The following NRXN1 variants were observed in gnomAD, a reference collection of about 807,000 sequenced individuals.
NRXN1 encodes neurexin 1, also known as neurexin-1.
NRXN1 carries 39 observed loss-of-function variants against 150.9 expected under a neutral mutation model. The ratio of observed to expected loss-of-function variants is 0.26; its 90% CI spans 0.20 to 0.34. The LOEUF is 0.34. NRXN1 is among the 10% of genes least tolerant of loss of function. The pLI is 1.00. For missense variants in NRXN1, 1,815 were observed against 1,949.9 expected (o/e 0.93, Z 1.30); for synonymous variants, 924 against 757.0 (o/e 1.22, Z -3.62).
At chr2:49,953,337 T>C (rs1285507179) in intron 21 of NRXN1, among the ~76,000 whole-genome samples, 2 of 152,086 alleles carry the variant, frequency 1.3e-5, no homozygotes, top group African/African-American at 4.8e-5. Flanking sequence ...CCAGTGGTGA[T>C]TGAGAATAAA....
intron 15 of NRXN1, among the ~76,000 whole-genome samples, chr2:50,489,097 T>A (rs1343499358): frequency 1.3e-5 from 2 of 152,162 alleles, no homozygotes; most frequent in East Asian, 3.9e-4. Flanking sequence ...ATGAAAGGCA[T>A]CTGGGCATAG....
At chr2:50,450,017 C>T (rs984000987) in intron 17 of NRXN1, among the ~76,000 whole-genome samples, 2 of 152,176 alleles carry the variant, frequency 1.3e-5, no homozygotes, top group Non-Finnish European at 2.9e-5. Context: ...TATTTGTCTC[C>T]AAAGTCTGTT....
In NRXN1 at chr2:50,543,550, A is replaced by G. The variant is rs539765385; in HGVS notation, c.1760-4914T>C. Among the ~76,000 whole-genome samples, 6 of 152,254 alleles carry G rather than the reference A, an allele frequency of 3.9e-5. No homozygotes were observed. In the South Asian group the frequency reaches 1.0e-3, roughly 26 times the overall value. On this transcript the variant is annotated intron_variant, in intron 9 of 22. Transcript: ENST00000401669. ...TGTAAGAGGTAAAATGAAGGTGATA[A>G]GCAGACAAGGTAATATTTAAGAATA...
At chr2:50,312,584 T>C (rs1008042123) in intron 17 of NRXN1, among the ~76,000 whole-genome samples, 5 of 152,106 alleles carry the variant, frequency 3.3e-5, no homozygotes, top group African/African-American at 1.2e-4. Flanking sequence ...TTAAGTGTAC[T>C]TCCAACCTCT....
intron 15 of NRXN1, among the ~76,000 whole-genome samples, chr2:50,489,367 T>A (rs1408879718): frequency 6.6e-6 from 1 of 152,170 alleles, no homozygotes; most frequent in Non-Finnish European, 1.5e-5. Context: ...ATCTTGGGCC[T>A]GTGACTGAAC....
At chr2:50,991,516 C>T (rs1409359914) in intron 2 of NRXN1, among the ~76,000 whole-genome samples, 2 of 151,976 alleles carry the variant, frequency 1.3e-5, no homozygotes, top group Non-Finnish European at 1.5e-5. Context: ...TGAATAAATG[C>T]TCAACAGTTC....
rs77535570 is a variant in NRXN1 at position 50,173,671 on chromosome 2, T to C, written c.3546+63118A>G. On this transcript the variant is annotated intron_variant, in intron 18 of 22. Transcript: ENST00000401669. ...TATGTTAGCATATCTCCAAGGACTT[T>C]CCTGCTGTGTATTTTATACTGCTAC... Among the ~76,000 whole-genome samples, 1,275 of 152,324 alleles carry C rather than the reference T, an allele frequency of 8.4e-3. 12 individuals carry two copies. The highest frequency in any genetic ancestry group is 0.02 in the Middle Eastern group (6 of 294).
intron 21 of NRXN1, among the ~76,000 whole-genome samples, chr2:49,953,108 TA>T (rs1674274761): frequency 6.6e-6 from 1 of 152,158 alleles, no homozygotes; most frequent in South Asian, 2.1e-4. Context: ...TGTCACCTGA[TA>T]AACTTTAACT....
intron 18 of NRXN1, among the ~76,000 whole-genome samples, chr2:50,173,268 A>C (rs1332831432): frequency 2.0e-5 from 3 of 152,226 alleles, no homozygotes; most frequent in African/African-American, 4.8e-5. Context: ...AAATAAATAC[A>C]CAATATGAAA....
chr2:50,014,794 T>G (rs1194910188), intron 21 of NRXN1, among the ~76,000 whole-genome samples: 1 of 152,102 alleles, frequency 6.6e-6, no homozygotes, highest in African/African-American at 2.4e-5. Flanking sequence ...TATTGTCTAT[T>G]ACATCCCCAT....
intron 5 of NRXN1, among the ~76,000 whole-genome samples, chr2:50,750,852 T>C (rs9752358): frequency 0.1 from 15,153 of 152,114 alleles, 830 homozygotes; most frequent in Middle Eastern, 0.13. Flanking sequence ...TCTTAATAAC[T>C]ATGCTTATTA....
intron 18 of NRXN1, among the ~76,000 whole-genome samples, chr2:50,176,742 T>C (rs529667671): frequency 6.6e-6 from 1 of 152,214 alleles, no homozygotes; most frequent in East Asian, 1.9e-4. Context: ...ACATCACTTG[T>C]CCAATATCAA....
At chr2:50,252,449 G>A (rs2067218558) in intron 17 of NRXN1, among the ~76,000 whole-genome samples, 1 of 151,542 alleles carries the variant, frequency 6.6e-6, no homozygotes, top group South Asian at 2.1e-4. Flanking sequence ...AGTAGAGACA[G>A]GGTTTTGCCA....
intron 18 of NRXN1, among the ~76,000 whole-genome samples, chr2:50,140,464 C>G (rs1296123103): frequency 1.3e-5 from 2 of 152,040 alleles, no homozygotes; most frequent in Non-Finnish European, 2.9e-5. Flanking sequence ...GGGCACTCCA[C>G]ATTTATCTAA....
chr2:50,784,612 C>T (rs951567096), intron 5 of NRXN1, among the ~76,000 whole-genome samples: 6 of 152,016 alleles, frequency 3.9e-5, no homozygotes, highest in African/African-American at 9.7e-5. Flanking sequence ...TGGACATAAT[C>T]GGAAGCTTAA....
chr2:50,269,472 C>A (rs1004570574), intron 17 of NRXN1, among the ~76,000 whole-genome samples: 2 of 152,162 alleles, frequency 1.3e-5, no homozygotes, highest in Non-Finnish European at 1.5e-5. Flanking sequence ...AAAATACTTA[C>A]AAGGCATGCA....
intron 2 of NRXN1, among the ~76,000 whole-genome samples, chr2:50,944,098 T>C (rs1689929417): frequency 6.6e-6 from 1 of 152,136 alleles, no homozygotes; most frequent in African/African-American, 2.4e-5. Context: ...GTAGATCTTA[T>C]TTTAGAATTG....
chr2:50,652,593 G>A (rs1685802102), intron 5 of NRXN1, among the ~76,000 whole-genome samples: 1 of 152,048 alleles, frequency 6.6e-6, no homozygotes, highest in African/African-American at 2.4e-5. Context: ...TCACTCATCA[G>A]TTGATGCACA....
At chr2:49,974,755 CT>C (rs34749359) in intron 21 of NRXN1, among the ~76,000 whole-genome samples, 105 of 141,592 alleles carry the variant, frequency 7.4e-4, no homozygotes, top group Middle Eastern at 3.6e-3. Flanking sequence ...CATTCTTAGG[CT>C]TTTTTTTTTT....
Sources: allele counts gnomAD v4.1 joint callset (sites outside exome capture counted in the v4.1 genomes callset), GRCh38; gene constraint gnomAD v4.1.1; transcripts MANE v1.5; gene names NCBI Gene and HGNC (gene_info 2026-07-23, HGNC 2026-07-21).